SH3BGRL2: variants seen among roughly 807,000 people sequenced by gnomAD.
SH3BGRL2 encodes the protein SH3 domain binding glutamate rich protein like 2, also known as SH3 domain-binding glutamic acid-rich-like protein 2.
SH3BGRL2 carries 21 observed loss-of-function variants against 14.8 expected under a neutral mutation model. The ratio of observed to expected loss-of-function variants is 1.42; its 90% CI spans 1.01 to 2.05. The LOEUF (loss-of-function observed/expected upper bound fraction) is 2.05. SH3BGRL2 is among the 30% of genes most tolerant of loss of function. The probability of loss-of-function intolerance (pLI) is 0.00; values close to 1 mark genes in which losing one functional copy is unlikely to be tolerated. For synonymous variants in SH3BGRL2, 50 were observed against 47.8 expected (o/e 1.05, Z -0.19); for missense variants, 147 against 130.8 (o/e 1.12, Z -0.61).
At chr6:79,538,945 CCTAGG>C in the SH3BGRL2 span, among the ~76,000 whole-genome samples, 1,889 of 152,280 alleles carry the variant, frequency 0.012, 40 homozygotes, top group African/African-American at 0.041. Flanking sequence ...AGAGTACAAG[CCTAGG>C]TCTGCTTCCA....
At chr6:79,687,331 G>A (rs1770116754) in intron 2 of SH3BGRL2, among the ~76,000 whole-genome samples, 1 of 152,126 alleles carries the variant, frequency 6.6e-6, no homozygotes, top group Non-Finnish European at 1.5e-5. Flanking sequence ...GCTGGTTCCT[G>A]TTCCTAGTTT....
the SH3BGRL2 span, among the ~76,000 whole-genome samples, chr6:79,605,921 C>T: frequency 6.6e-6 from 1 of 152,244 alleles, no homozygotes; most frequent in African/African-American, 2.4e-5. Flanking sequence ...TTACTTTGCT[C>T]ATTTCTTTCT....
chr6:79,645,215 C>T (rs1769116942), intron 1 of SH3BGRL2, among the ~76,000 whole-genome samples: 1 of 151,560 alleles, frequency 6.6e-6, no homozygotes, highest in East Asian at 1.9e-4. Context: ...ATACCCCAAA[C>T]TGTCATTGTT....
chr6:79,558,865 C>A, the SH3BGRL2 span, among the ~76,000 whole-genome samples: 1 of 151,852 alleles, frequency 6.6e-6, no homozygotes, highest in Non-Finnish European at 1.5e-5. Flanking sequence ...ACAAAATGAA[C>A]CTGAAACATT....
At chr6:79,593,898 T>C in the SH3BGRL2 span, among the ~76,000 whole-genome samples, 7 of 152,120 alleles carry the variant, frequency 4.6e-5, no homozygotes, top group Admixed American at 1.3e-4. Flanking sequence ...GATGGCAGAA[T>C]TAGGCCTTAA....
chr6:79,552,073 G>A, the SH3BGRL2 span, among the ~76,000 whole-genome samples: 1 of 152,150 alleles, frequency 6.6e-6, no homozygotes, highest in Non-Finnish European at 1.5e-5. Context: ...CTGGGTGACA[G>A]AGTGATACTC....
the SH3BGRL2 span, among the ~76,000 whole-genome samples, chr6:79,601,666 G>A: frequency 6.6e-6 from 1 of 152,146 alleles, no homozygotes; most frequent in Non-Finnish European, 1.5e-5. Context: ...ATAGTCCTCA[G>A]TTGATTCAGC....
At chr6:79,579,957 A>G in the SH3BGRL2 span, among the ~76,000 whole-genome samples, 2 of 152,220 alleles carry the variant, frequency 1.3e-5, no homozygotes, top group South Asian at 2.1e-4. Flanking sequence ...AGGAAGATCT[A>G]TCAAGCAAAT....
the SH3BGRL2 span, among the ~76,000 whole-genome samples, chr6:79,542,787 A>T: frequency 1.3e-5 from 2 of 152,218 alleles, no homozygotes; most frequent in South Asian, 4.1e-4. Flanking sequence ...AATATAAATG[A>T]GTAGACTGAA....
intron 2 of SH3BGRL2, among the ~76,000 whole-genome samples, chr6:79,676,629 GTGTGTGTGTGTA>G (rs1769888110): frequency 7.7e-6 from 1 of 130,140 alleles, no homozygotes; most frequent in South Asian, 3.1e-4. Flanking sequence ...GTGTGTGTGT[GTGTGTGTGTGTA>G]TATATATATA....
At chr6:79,565,290 C>G in the SH3BGRL2 span, among the ~76,000 whole-genome samples, 1 of 152,090 alleles carries the variant, frequency 6.6e-6, no homozygotes, top group Non-Finnish European at 1.5e-5. Flanking sequence ...CCTCAATGAC[C>G]TTTATTCCTG....
Position 79,699,741 on chromosome 6 carries a change from C to T in SH3BGRL2, c.*232C>T, listed in dbSNP as rs370448497. 4.2e-6 allele frequency: 2 copies of T among 476,826 alleles called. No individual in the cohort carries two copies. The allele number at this position is 476,826 out of a possible 1,614,324, so 29.5% of individuals were successfully genotyped here. Reference sequence around the variant, plus strand: ...TCTTATTCTATTTGCCTGCAGTTGCCTCACTCACCTGGAAATACCGTCACC... The same window carrying T: ...TCTTATTCTATTTGCCTGCAGTTGCTTCACTCACCTGGAAATACCGTCACC... On this transcript the variant is annotated 3_prime_UTR_variant, in exon 4 of 4. Coordinates refer to ENST00000369838, the MANE Select transcript of SH3BGRL2 (RefSeq NM_031469.4).
chr6:79,650,938 ATAAT>A (rs1345270729), intron 1 of SH3BGRL2, among the ~76,000 whole-genome samples: 2 of 149,238 alleles, frequency 1.3e-5, no homozygotes, highest in Admixed American at 1.3e-4. Flanking sequence ...AAATATATAA[ATAAT>A]TATGTAAACA....
At chr6:79,588,799 T>A in the SH3BGRL2 span, among the ~76,000 whole-genome samples, 1 of 152,132 alleles carries the variant, frequency 6.6e-6, no homozygotes, top group Non-Finnish European at 1.5e-5. Flanking sequence ...CAGGAGTATA[T>A]CTGGGATAGA....
chr6:79,665,900 A>G (rs1487384255), intron 1 of SH3BGRL2, among the ~76,000 whole-genome samples: 1 of 152,128 alleles, frequency 6.6e-6, no homozygotes, highest in African/African-American at 2.4e-5. Context: ...GTAATCTGGT[A>G]TTTGCTTTCT....
At chr6:79,675,610 T>C (rs751561121) in intron 2 of SH3BGRL2, among the ~76,000 whole-genome samples, 5 of 152,126 alleles carry the variant, frequency 3.3e-5, no homozygotes, top group Non-Finnish European at 5.9e-5. Context: ...ATTTCTTACA[T>C]TGATTTTCTA....
At chr6:79,589,508 C>T in the SH3BGRL2 span, among the ~76,000 whole-genome samples, 1 of 151,874 alleles carries the variant, frequency 6.6e-6, no homozygotes. Context: ...CATTGAAGAG[C>T]AAAACTTATT....
At chr6:79,614,635 T>G in the SH3BGRL2 span, among the ~76,000 whole-genome samples, 1 of 152,130 alleles carries the variant, frequency 6.6e-6, no homozygotes, top group African/African-American at 2.4e-5. Context: ...CACAGTATTA[T>G]AGACTAAGTG....
intron 1 of SH3BGRL2, among the ~76,000 whole-genome samples, chr6:79,664,884 T>C (rs1159258913): frequency 6.6e-6 from 1 of 152,206 alleles, no homozygotes; most frequent in African/African-American, 2.4e-5. Context: ...CTAGGTAGCC[T>C]ACTACTAATA....
Sources: gnomAD v4.1 joint callset for allele counts (sites outside exome capture counted in the v4.1 genomes callset) on GRCh38, gnomAD v4.1.1 for gene constraint, MANE v1.5 for transcripts, NCBI Gene and HGNC (gene_info 2026-07-23, HGNC 2026-07-21) for gene names.